KIF26B: variants seen among roughly 807,000 people sequenced by gnomAD.
KIF26B encodes kinesin-like protein KIF26B.
A neutral mutation model predicts 151.2 loss-of-function variants in KIF26B; 63 were observed. The observed-to-expected ratio is 0.42, with a 90% CI of 0.34 to 0.51. The LOEUF is 0.51. Ranked by LOEUF, KIF26B falls within the 20% of genes least tolerant of loss-of-function variation. The probability of loss-of-function intolerance (pLI) is 0.07; values close to 1 mark genes in which losing one functional copy is unlikely to be tolerated. For missense variants in KIF26B, 2,813 were observed against 2,913.6 expected, an observed-to-expected ratio of 0.97 and a Z score of 0.79; for synonymous variants, 1,357 against 1,262.1, an observed-to-expected ratio of 1.08 and a Z score of -1.59.
At position 245,451,585 on chromosome 1, in the gene KIF26B, C is replaced by CTTTTTTTTTT. The variant is rs58192966; in HGVS notation, c.1166+31859_1166+31868dup. ...TATAATATGTATCCAGAAGATCTATCTTTTTTTTTTTTTTTTTTTTTTTTT... is the reference window on the plus strand; with the variant it reads ...TATAATATGTATCCAGAAGATCTATCTTTTTTTTTTTTTTTTTTTTTTTTTTTTTTTTTTT... On this transcript the variant is annotated intron_variant, in intron 4 of 14. Transcript: ENST00000407071. Among the ~76,000 whole-genome samples, 193 of 58,760 alleles carry CTTTTTTTTTT rather than the reference C, an allele frequency of 3.3e-3. 12 individuals are homozygous for CTTTTTTTTTT. Among genetic ancestry groups the CTTTTTTTTTT allele is most frequent in the African/African-American group, 6.2e-3 (88 of 14,092 alleles). 38.5% of individuals were successfully genotyped at this position (58,760 alleles called of 152,430 possible).
intron 4 of KIF26B, among the ~76,000 whole-genome samples, chr1:245,511,675 C>T (rs1038709652): frequency 9.2e-5 from 14 of 152,132 alleles, no homozygotes; most frequent in East Asian, 5.8e-4. Context: ...TTCTTGAGGT[C>T]GGACATCTCC....
In KIF26B at chr1:245,296,374, A is replaced by G. The variant is rs75167145; in HGVS notation, c.466-70460A>G. Among the ~76,000 whole-genome samples the G allele has an allele frequency of 7.4e-3, 1,126 of 152,146 alleles. 4 individuals are homozygous for G. The highest frequency in any genetic ancestry group is 0.014 in the Middle Eastern group (4 of 294). Reference sequence around the variant, plus strand: ...CCTTAATAAGACATTCTGAATCTCCATGATTACAAGATTGGAGTGTGTTCA... The same window carrying G: ...CCTTAATAAGACATTCTGAATCTCCGTGATTACAAGATTGGAGTGTGTTCA... On this transcript the variant is annotated intron_variant, in intron 2 of 14. Transcript: ENST00000407071.
At chr1:245,610,544 A>G (rs1001901607) in intron 8 of KIF26B, among the ~76,000 whole-genome samples, 3 of 152,206 alleles carry the variant, frequency 2.0e-5, no homozygotes, top group Non-Finnish European at 4.4e-5. Flanking sequence ...TCAAATGTGC[A>G]GAGACAGTAT....
chr1:245,559,063 T>A (rs553971724), intron 5 of KIF26B, among the ~76,000 whole-genome samples: 3 of 152,316 alleles, frequency 2.0e-5, no homozygotes, highest in Non-Finnish European at 4.4e-5. Flanking sequence ...AAATTAAAAT[T>A]TGGCCAGGCA....
rs530320599 is a variant in KIF26B, at chr1:245,516,864, A to G, written c.1167-23903A>G. ...AGACTGTCCCTGGATACTGGGGACT[A>G]AAAGCTGGTGATTGGCGGAGTTTGG... On this transcript the variant is annotated intron_variant, in intron 4 of 14. Coordinates refer to ENST00000407071, the MANE Select transcript of KIF26B (RefSeq NM_018012.4). This position sits in a 1 kb window ranked among gnomAD's most constrained non-coding sequence, Gnocchi z 4.2. Among the ~76,000 whole-genome samples the G allele has an allele frequency of 1.3e-5, 2 of 152,290 alleles. No individual in the cohort carries two copies. Among genetic ancestry groups the G allele is most frequent in the South Asian group, 4.2e-4 (2 of 4,816 alleles).
intron 2 of KIF26B, among the ~76,000 whole-genome samples, chr1:245,205,259 G>T (rs1669379256): frequency 6.6e-6 from 1 of 152,166 alleles, no homozygotes; most frequent in Admixed American, 6.5e-5. Flanking sequence ...GACCGTTAGT[G>T]TAGTGTATTG....
chr1:245,335,241 G>T (rs1380141976), intron 2 of KIF26B, among the ~76,000 whole-genome samples: 1 of 152,146 alleles, frequency 6.6e-6, no homozygotes, highest in Non-Finnish European at 1.5e-5. Flanking sequence ...CTGGGGCAAG[G>T]CTCAGCTGAC....
intron 5 of KIF26B, among the ~76,000 whole-genome samples, chr1:245,550,195 A>G (rs1013388533): frequency 1.3e-5 from 2 of 152,198 alleles, no homozygotes; most frequent in Non-Finnish European, 2.9e-5. Flanking sequence ...AATTTTGTCC[A>G]CTTGTAGCTC....
chr1:245,220,430 GGGTCCA>G (rs1558350384), intron 2 of KIF26B, among the ~76,000 whole-genome samples: 12 of 37,672 alleles, frequency 3.2e-4, no homozygotes, highest in Admixed American at 2.7e-3. Flanking sequence ...CCAGGGTCCA[GGGTCCA>G]GGGTCCGGGG....
rs1217950565 is a variant in KIF26B at position 245,516,627 on chromosome 1, G to T, written c.1167-24140G>T. On this transcript the variant is annotated intron_variant, in intron 4 of 14. Transcript: ENST00000407071. This position sits in a 1 kb window ranked among gnomAD's most constrained non-coding sequence, Gnocchi z 4.2. ...AATGAACCACCTGCTGTGTCTTGGT[G>T]GGGGTGGAGATGTGGGGTGAAGTAA... Among the ~76,000 whole-genome samples, 2 of 152,140 alleles carry T rather than the reference G, an allele frequency of 1.3e-5. No individual in the cohort carries two copies. The highest frequency in any genetic ancestry group is 6.5e-5 in the Admixed American group (1 of 15,270).
chr1:245,331,258 G>A (rs950830470), intron 2 of KIF26B, among the ~76,000 whole-genome samples: 3 of 152,046 alleles, frequency 2.0e-5, no homozygotes, highest in African/African-American at 7.2e-5. Flanking sequence ...GCTTCCCAGC[G>A]CCACGGTGCC....
intron 4 of KIF26B, among the ~76,000 whole-genome samples, chr1:245,515,329 C>T (rs979238495): frequency 2.6e-5 from 4 of 152,186 alleles, no homozygotes; most frequent in Non-Finnish European, 4.4e-5. Flanking sequence ...CATCTCTCCA[C>T]GCTTACCGTG....
intron 2 of KIF26B, among the ~76,000 whole-genome samples, chr1:245,258,793 G>A (rs1279186400): frequency 6.6e-6 from 1 of 152,106 alleles, no homozygotes; most frequent in East Asian, 1.9e-4. Context: ...GGGCGGGGGT[G>A]AGAGCAAGTG....
intron 5 of KIF26B, among the ~76,000 whole-genome samples, chr1:245,592,617 C>T (rs2043300442): frequency 6.6e-6 from 1 of 152,076 alleles, no homozygotes; most frequent in African/African-American, 2.4e-5. Flanking sequence ...AGTCGCTGCC[C>T]CAAAGTAGGC....
chr1:245,522,459 C>T (rs1215616917), intron 4 of KIF26B, among the ~76,000 whole-genome samples: 1 of 152,190 alleles, frequency 6.6e-6, no homozygotes, highest in Non-Finnish European at 1.5e-5. Context: ...TGTCCCTGTT[C>T]ATCTGGCATG....
At chr1:245,595,131 C>T (rs1317363161) in intron 5 of KIF26B, among the ~76,000 whole-genome samples, 1 of 152,166 alleles carries the variant, frequency 6.6e-6, no homozygotes, top group South Asian at 2.1e-4. Context: ...GACTTACTCT[C>T]TTCCTATTTG....
chr1:245,213,690 C>T (rs148314127), intron 2 of KIF26B, among the ~76,000 whole-genome samples: 8 of 152,194 alleles, frequency 5.3e-5, no homozygotes, highest in African/African-American at 1.7e-4. Context: ...CATCAGAAGG[C>T]GTTGTGCGTG....
In KIF26B at chr1:245,339,904, A is replaced by G. The variant is rs569733291; in HGVS notation, c.466-26930A>G. 3.3e-5 allele frequency among the ~76,000 whole-genome samples: 5 copies of G among 152,270 alleles called. No homozygotes were observed. In the South Asian group the frequency reaches 1.0e-3, roughly 32 times the overall value. On this transcript the variant is annotated intron_variant, in intron 2 of 14. Transcript: ENST00000407071. The stretch of plus-strand genomic sequence containing the variant: ...TATACATATCAAATTGCTCTTCCCC[A>G]TTGGGCCGTGTTGGAGAACACCAGG...
intron 9 of KIF26B, among the ~76,000 whole-genome samples, chr1:245,620,680 G>A (rs552602956): frequency 1.3e-5 from 2 of 152,252 alleles, no homozygotes; most frequent in African/African-American, 4.8e-5. Context: ...GGGATTACAG[G>A]TGTGAGCCAT....
Sources: allele counts gnomAD v4.1 joint callset (sites outside exome capture counted in the v4.1 genomes callset), GRCh38; gene constraint gnomAD v4.1.1; non-coding constraint Gnocchi (gnomAD v3.1); transcripts MANE v1.5; gene names NCBI Gene and HGNC (gene_info 2026-07-23, HGNC 2026-07-21).